Variants in RBFOX1 observed in about 807,000 individuals in gnomAD.
The protein encoded by RBFOX1 is RNA binding fox-1 homolog 1.
Under a neutral mutation model 57.7 loss-of-function variants are expected in RBFOX1, and 8 were observed. The ratio of observed to expected loss-of-function variants is 0.14; its 90% CI spans 0.08 to 0.25. The LOEUF (loss-of-function observed/expected upper bound fraction) is 0.25, where lower values mean the gene tolerates loss of function less well. RBFOX1 is among the 10% of genes least tolerant of loss of function. The probability of loss-of-function intolerance (pLI) is 1.00; values close to 1 mark genes in which losing one functional copy is unlikely to be tolerated. For missense variants in RBFOX1, 611 were observed against 548.5 expected (o/e 1.11, Z -1.14); for synonymous variants, 326 against 222.4 (o/e 1.47, Z -4.15).
chr16:6,079,032 G>A (rs2095956111), intron 1 of RBFOX1, among the ~76,000 whole-genome samples: 1 of 152,072 alleles, frequency 6.6e-6, no homozygotes, highest in African/African-American at 2.4e-5. Context: ...TCTCTGGCTG[G>A]GTGCAGTGGC....
intron 4 of RBFOX1, among the ~76,000 whole-genome samples, chr16:7,218,527 C>T (rs984773695): frequency 6.6e-6 from 1 of 152,026 alleles, no homozygotes; most frequent in African/African-American, 2.4e-5. Context: ...CACTCTTTTA[C>T]CAGCATTCAC....
intron 1 of RBFOX1, among the ~76,000 whole-genome samples, chr16:6,129,256 T>TG (rs1426375362): frequency 6.6e-6 from 1 of 152,122 alleles, no homozygotes; most frequent in African/African-American, 2.4e-5. Context: ...GTAAATATGT[T>TG]GAAGACTTAA....
chr16:6,962,024 C>A (rs1281813941), intron 3 of RBFOX1, among the ~76,000 whole-genome samples: 1 of 152,120 alleles, frequency 6.6e-6, no homozygotes, highest in Admixed American at 6.5e-5. Flanking sequence ...TTTTACCCAG[C>A]CCCTATTCAA....
intron 1 of RBFOX1, among the ~76,000 whole-genome samples, chr16:6,287,202 T>A (rs1055794615): frequency 6.6e-6 from 1 of 152,134 alleles, no homozygotes; most frequent in African/African-American, 2.4e-5. Context: ...AGAATGAACT[T>A]TGTGAACTTA....
At chr16:5,309,005 C>T (rs1274383612) in intron 1 of RBFOX1, among the ~76,000 whole-genome samples, 2 of 152,086 alleles carry the variant, frequency 1.3e-5, no homozygotes, top group Non-Finnish European at 2.9e-5. Context: ...CTTGGCTGAT[C>T]CCTTTCCTTT....
chr16:6,600,952 G>C (rs1487597821), intron 2 of RBFOX1, among the ~76,000 whole-genome samples: 1 of 152,176 alleles, frequency 6.6e-6, no homozygotes, highest in African/African-American at 2.4e-5. Flanking sequence ...AGAAAAGTGT[G>C]AGAAAATATA....
At chr16:5,793,309 A>T (rs2151736325) in intron 3 of RBFOX1, among the ~76,000 whole-genome samples, 1 of 152,332 alleles carries the variant, frequency 6.6e-6, no homozygotes, top group South Asian at 2.1e-4. Flanking sequence ...AACTCAGCTT[A>T]ACCGTGTTTG....
intron 1 of RBFOX1, among the ~76,000 whole-genome samples, chr16:6,285,138 T>C (rs1283509096): frequency 6.6e-6 from 1 of 151,994 alleles, no homozygotes; most frequent in Non-Finnish European, 1.5e-5. Context: ...AAATAATGGC[T>C]AAAAGTATGG....
At position 7,676,981 on chromosome 16, in the gene RBFOX1, G is replaced by A. The variant is rs142234874; in HGVS notation, c.995+143G>A. 121 of 722,716 alleles carry A rather than the reference G, an allele frequency of 1.7e-4. No individual in the cohort carries two copies. The African/African-American group carries it at 2.0e-3, about 12-fold the overall frequency. 44.8% of individuals were successfully genotyped at this position (722,716 alleles called of 1,614,324 possible). ...AAAAGTTAGGTCCCATGGTGAACGT[G>A]AACTCAAGTCCCCATAGAGAGAGGG... On this transcript the variant is annotated intron_variant, in intron 14 of 15. Coordinates refer to ENST00000550418, the MANE Select transcript of RBFOX1 (RefSeq NM_018723.4).
chr16:6,766,732 G>A (rs560470007), intron 3 of RBFOX1, among the ~76,000 whole-genome samples: 193 of 152,172 alleles, frequency 1.3e-3, no homozygotes, highest in African/African-American at 4.5e-3. Context: ...TGTTATGCCA[G>A]TGAATTCACT....
chr16:7,030,791 C>T (rs1011105542), intron 3 of RBFOX1, among the ~76,000 whole-genome samples: 3 of 152,150 alleles, frequency 2.0e-5, no homozygotes, highest in African/African-American at 7.2e-5. Context: ...AATTAAGGCC[C>T]TCAAATAAGA....
At chr16:5,862,521 C>A (rs1039556991) in intron 3 of RBFOX1, among the ~76,000 whole-genome samples, 1 of 152,118 alleles carries the variant, frequency 6.6e-6, no homozygotes, top group Non-Finnish European at 1.5e-5. Flanking sequence ...AATGTCCAAC[C>A]AGGGAATAGC....
chr16:6,702,061 A>G (rs945709389), intron 3 of RBFOX1, among the ~76,000 whole-genome samples: 4 of 152,146 alleles, frequency 2.6e-5, no homozygotes, highest in Admixed American at 6.5e-5. Flanking sequence ...ATTTACCTGT[A>G]TAACAAACCT....
At chr16:7,057,436 T>C (rs1177627870) in intron 4 of RBFOX1, among the ~76,000 whole-genome samples, 1 of 152,226 alleles carries the variant, frequency 6.6e-6, no homozygotes, top group Non-Finnish European at 1.5e-5. Context: ...ATTTTTCTTT[T>C]GATAAAGACT....
At chr16:6,994,712 C>T (rs958898731) in intron 3 of RBFOX1, among the ~76,000 whole-genome samples, 1 of 152,134 alleles carries the variant, frequency 6.6e-6, no homozygotes, top group African/African-American at 2.4e-5. Flanking sequence ...TCTGAAAGTC[C>T]TGAAGCTATC....
At chr16:5,511,545 CCTT>C (rs1454191820) in intron 2 of RBFOX1, among the ~76,000 whole-genome samples, 1 of 152,142 alleles carries the variant, frequency 6.6e-6, no homozygotes, top group Non-Finnish European at 1.5e-5. Flanking sequence ...CCCTCCTTCC[CCTT>C]CTTTCTCCCT....
chr16:7,438,579 G>A (rs1023357822), intron 4 of RBFOX1, among the ~76,000 whole-genome samples: 2 of 152,132 alleles, frequency 1.3e-5, no homozygotes, highest in African/African-American at 4.8e-5. Context: ...AAACCTCTCT[G>A]AATCCCAAAC....
At chr16:6,318,263 A>C (rs1489062690) in intron 2 of RBFOX1, among the ~76,000 whole-genome samples, 1 of 152,192 alleles carries the variant, frequency 6.6e-6, no homozygotes, top group Non-Finnish European at 1.5e-5. Context: ...ATAATAAAGG[A>C]AATTCCATGT....
chr16:5,549,764 C>G (rs1597484230), intron 2 of RBFOX1, among the ~76,000 whole-genome samples: 2 of 152,152 alleles, frequency 1.3e-5, no homozygotes, highest in African/African-American at 4.8e-5. Flanking sequence ...CTCATTTCAC[C>G]CTGGAAAAGA....
Sources: gnomAD v4.1 joint callset for allele counts (sites outside exome capture counted in the v4.1 genomes callset) on GRCh38, gnomAD v4.1.1 for gene constraint, MANE v1.5 for transcripts, NCBI Gene and HGNC (gene_info 2026-07-23, HGNC 2026-07-21) for gene names.